The following STARD13 variants were observed in gnomAD, a reference collection of about 807,000 sequenced individuals.
STARD13 encodes stAR-related lipid transfer protein 13.
In STARD13, 62 loss-of-function variants were observed where a neutral mutation model predicts 106.4. The ratio of observed to expected loss-of-function variants is 0.58; its 90% CI spans 0.48 to 0.72. STARD13 has a LOEUF of 0.72. Ranked by LOEUF, STARD13 falls within the 30% of genes least tolerant of loss-of-function variation. The pLI is 0.00. For synonymous variants in STARD13, 565 were observed against 553.0 expected (o/e 1.02, Z -0.31); for missense variants, 1,387 against 1,424.0 (o/e 0.97, Z 0.42).
At chr13:33,502,768 C>T in the STARD13 span, among the ~76,000 whole-genome samples, 1 of 152,174 alleles carries the variant, frequency 6.6e-6, no homozygotes, top group African/African-American at 2.4e-5. Flanking sequence ...TTTTGATGTG[C>T]TGCTAGATTC....
chr13:33,233,677 C>G (rs1479594113), intron 1 of STARD13, among the ~76,000 whole-genome samples: 1 of 152,256 alleles, frequency 6.6e-6, no homozygotes, highest in East Asian at 1.9e-4. Flanking sequence ...GAGCAGCCAC[C>G]CCACACGATG....
At position 33,126,062 on chromosome 13, in the gene STARD13, G is replaced by T. The variant is rs181618558; in HGVS notation, c.2082+19C>A. 69 of 1,607,192 alleles carry T rather than the reference G, an allele frequency of 4.3e-5. 3 individuals are homozygous for T. The African/African-American group carries it at 4.8e-4, about 11-fold the overall frequency. On this transcript the variant is annotated intron_variant, in intron 7 of 13. Coordinates refer to ENST00000336934, the MANE Select transcript of STARD13 (RefSeq NM_178006.4). ...TGGTTGGGGGTGGTGGGGCAGCAGC[G>T]GGGGGGTTACAGCCCTACCTGATCG...
chr13:33,280,842 C>T (rs1891739224), intron 1 of STARD13: 1 of 152,094 alleles, frequency 6.6e-6, no homozygotes, highest in South Asian at 2.1e-4. Flanking sequence ...AATCCAAACC[C>T]TTTATTTAAT....
intron 1 of STARD13, among the ~76,000 whole-genome samples, chr13:33,198,875 G>T (rs1011121115): frequency 6.6e-6 from 1 of 152,110 alleles, no homozygotes; most frequent in Non-Finnish European, 1.5e-5. Context: ...GTTGAAAATC[G>T]CCACCTTCCT....
At chr13:33,157,558 T>G (rs973950925) in intron 3 of STARD13, among the ~76,000 whole-genome samples, 4 of 152,098 alleles carry the variant, frequency 2.6e-5, no homozygotes, top group African/African-American at 9.7e-5. Flanking sequence ...TAATCCCAGA[T>G]AGTTGGGAGG....
the STARD13 span, among the ~76,000 whole-genome samples, chr13:33,440,455 A>C: frequency 2.1e-5 from 3 of 145,782 alleles, no homozygotes; most frequent in South Asian, 2.3e-4. Flanking sequence ...TCAGCTGACT[A>C]CTCCTTCCTT....
At chr13:33,148,435 C>A (rs1324202263) in intron 3 of STARD13, among the ~76,000 whole-genome samples, 1 of 152,198 alleles carries the variant, frequency 6.6e-6, no homozygotes, top group South Asian at 2.1e-4. Context: ...ACAGACAACT[C>A]ACTAAAGGAG....
the STARD13 span, among the ~76,000 whole-genome samples, chr13:33,549,906 CTG>C: frequency 5.3e-5 from 8 of 152,168 alleles, no homozygotes; most frequent in African/African-American, 1.9e-4. Context: ...GTATTTGTCA[CTG>C]TATTCCAAAC....
At chr13:33,263,191 C>T (rs1195986052) in intron 1 of STARD13, among the ~76,000 whole-genome samples, 1 of 152,100 alleles carries the variant, frequency 6.6e-6, no homozygotes, top group Non-Finnish European at 1.5e-5. Flanking sequence ...GCATCCTGTA[C>T]ATTACAGGAA....
the STARD13 span, among the ~76,000 whole-genome samples, chr13:33,452,083 T>A: frequency 2.6e-5 from 4 of 152,100 alleles, no homozygotes; most frequent in African/African-American, 4.8e-5. Flanking sequence ...TTAGAGGAGA[T>A]CAGGAGATCT....
At chr13:33,247,124 G>C (rs1889862625) in intron 1 of STARD13, among the ~76,000 whole-genome samples, 1 of 152,082 alleles carries the variant, frequency 6.6e-6, no homozygotes, top group Admixed American at 6.5e-5. Context: ...TTGAACCCTG[G>C]AGGCGGAGGT....
the STARD13 span, among the ~76,000 whole-genome samples, chr13:33,623,459 C>T: frequency 1.4e-5 from 2 of 142,428 alleles, no homozygotes; most frequent in Non-Finnish European, 3.1e-5. Flanking sequence ...AAAAAGTCTG[C>T]TTCTGAAAAG....
chr13:33,411,583 G>A, the STARD13 span, among the ~76,000 whole-genome samples: 1 of 152,056 alleles, frequency 6.6e-6, no homozygotes, highest in Non-Finnish European at 1.5e-5. Context: ...AACAAGTTAA[G>A]AGAGCTCTTG....
At chr13:33,459,111 A>C in the STARD13 span, among the ~76,000 whole-genome samples, 3 of 152,174 alleles carry the variant, frequency 2.0e-5, no homozygotes, top group Non-Finnish European at 4.4e-5. Flanking sequence ...AAATGATGTA[A>C]GATAAATTGC....
the STARD13 span, among the ~76,000 whole-genome samples, chr13:33,613,756 A>G: frequency 0.011 from 1,672 of 152,302 alleles, 30 homozygotes; most frequent in African/African-American, 0.039. Flanking sequence ...AGCCACTCGG[A>G]TAGTGACAAG....
the STARD13 span, among the ~76,000 whole-genome samples, chr13:33,396,914 G>C: frequency 6.6e-6 from 1 of 152,174 alleles, no homozygotes; most frequent in African/African-American, 2.4e-5. Flanking sequence ...TCTGAATTAA[G>C]GGCCTGTGAG....
chr13:33,420,040 T>C, the STARD13 span, among the ~76,000 whole-genome samples: 11 of 152,262 alleles, frequency 7.2e-5, no homozygotes, highest in East Asian at 2.1e-3. Context: ...ATGAAGAAAC[T>C]GCAACAATTT....
the STARD13 span, among the ~76,000 whole-genome samples, chr13:33,619,495 ATTAAC>A: frequency 6.6e-6 from 1 of 152,360 alleles, no homozygotes; most frequent in African/African-American, 2.4e-5. Context: ...AATGAACCTA[ATTAAC>A]TTAATTTTAA....
chr13:33,587,503 A>G, the STARD13 span, among the ~76,000 whole-genome samples: 1 of 152,188 alleles, frequency 6.6e-6, no homozygotes, highest in Non-Finnish European at 1.5e-5. Context: ...AGCCTCTCAC[A>G]CATTCTAATC....
Sources: gnomAD v4.1 joint callset for allele counts (sites outside exome capture counted in the v4.1 genomes callset) on GRCh38, gnomAD v4.1.1 for gene constraint, MANE v1.5 for transcripts, NCBI Gene and HGNC (gene_info 2026-07-23, HGNC 2026-07-21) for gene names.